RORA: variants seen among roughly 807,000 people sequenced by gnomAD.
RORA encodes nuclear receptor ROR-alpha.
RORA carries 7 observed loss-of-function variants against 69.5 expected under a neutral mutation model. That is an observed-to-expected ratio of 0.10 (90% CI 0.06 to 0.19). The LOEUF (loss-of-function observed/expected upper bound fraction) is 0.19. RORA is among the 10% of genes least tolerant of loss of function. RORA has a pLI of 1.00. For synonymous variants in RORA, 261 were observed against 240.8 expected, an observed-to-expected ratio of 1.08 and a Z score of -0.78; for missense variants, 457 against 663.0, an observed-to-expected ratio of 0.69 and a Z score of 3.41.
chr15:60,505,263 C>G (rs1468268098), intron 6 of RORA, among the ~76,000 whole-genome samples: 1 of 152,130 alleles, frequency 6.6e-6, no homozygotes, highest in African/African-American at 2.4e-5. Context: ...CTCCTGTTGA[C>G]AAATGGAAGG....
chr15:60,818,362 G>C (rs1390358694), intron 1 of RORA, among the ~76,000 whole-genome samples: 1 of 152,166 alleles, frequency 6.6e-6, no homozygotes, highest in African/African-American at 2.4e-5. Context: ...AAACCCGTTA[G>C]AATTATTTAC....
chr15:60,811,400 C>T lies in RORA; in HGVS notation c.167-132714G>A, dbSNP rs116655622. Among the ~76,000 whole-genome samples, 276 of 152,318 alleles carry T rather than the reference C, an allele frequency of 1.8e-3. 3 individuals carry two copies. The highest frequency in any genetic ancestry group is 6.4e-3 in the African/African-American group (267 of 41,578). On this transcript the variant is annotated intron_variant, in intron 1 of 10. Coordinates refer to ENST00000335670, the MANE Select transcript of RORA (RefSeq NM_134261.3). ...ATCTGATAAGTCAGTTATCTCTATT[C>T]CATCTGCTTTCCAGCTCCCAAAATA...
chr15:60,570,308 G>A (rs903837111), intron 2 of RORA, among the ~76,000 whole-genome samples: 1 of 152,066 alleles, frequency 6.6e-6, no homozygotes, highest in African/African-American at 2.4e-5. Flanking sequence ...ACCATGGACA[G>A]TATTATTTTT....
intron 1 of RORA, among the ~76,000 whole-genome samples, chr15:61,002,601 T>C (rs924371292): frequency 4.6e-5 from 7 of 152,184 alleles, no homozygotes; most frequent in African/African-American, 1.4e-4. Context: ...AGCCTACCTT[T>C]AATTTAGAAA....
chr15:60,662,179 T>A (rs2140719612), intron 2 of RORA, among the ~76,000 whole-genome samples: 2 of 152,372 alleles, frequency 1.3e-5, no homozygotes, highest in Middle Eastern at 6.8e-3. Flanking sequence ...TGGGGGATGG[T>A]ATTATTAGCT....
chr15:60,543,483 CT>C (rs1223143042), intron 2 of RORA, among the ~76,000 whole-genome samples: 2 of 149,730 alleles, frequency 1.3e-5, no homozygotes, highest in African/African-American at 4.9e-5. Context: ...TCATCACTGT[CT>C]TTTTTTTTTC....
In RORA at chr15:60,946,989, C is replaced by T. The variant is rs550646965; in HGVS notation, c.167-268303G>A. ...CTGAGAAGTGAGGAGCCCCTCCGTC[C>T]GGCAGCCGCCCCTTCCGGGAGGGAG... On this transcript the variant is annotated intron_variant, in intron 1 of 10. Transcript: ENST00000335670. Among the ~76,000 whole-genome samples the T allele has an allele frequency of 9.2e-5, 14 of 151,836 alleles. No homozygotes were observed. The South Asian group carries it at 1.5e-3, about 16-fold the overall frequency.
intron 2 of RORA, among the ~76,000 whole-genome samples, chr15:60,644,037 A>C (rs2069992223): frequency 6.6e-6 from 1 of 152,142 alleles, no homozygotes; most frequent in African/African-American, 2.4e-5. Flanking sequence ...ACAGGAAGCC[A>C]CTGGGATTAA....
At chr15:61,199,426 G>A (rs909699810) in intron 1 of RORA, among the ~76,000 whole-genome samples, 3 of 152,094 alleles carry the variant, frequency 2.0e-5, no homozygotes, top group African/African-American at 7.2e-5. Context: ...AATATTCTCT[G>A]TATCCCAAAA....
At chr15:61,095,592 G>C (rs1313325576) in intron 1 of RORA, among the ~76,000 whole-genome samples, 1 of 152,216 alleles carries the variant, frequency 6.6e-6, no homozygotes, top group Non-Finnish European at 1.5e-5. Context: ...TGGAGAATGA[G>C]GTTGTGCAAG....
At chr15:60,551,527 A>G (rs1402334911) in intron 2 of RORA, among the ~76,000 whole-genome samples, 2 of 152,180 alleles carry the variant, frequency 1.3e-5, no homozygotes, top group Non-Finnish European at 2.9e-5. Flanking sequence ...TTCCCTCACT[A>G]ACTGTCCTCA....
intron 1 of RORA, among the ~76,000 whole-genome samples, chr15:60,743,688 C>T (rs900600038): frequency 9.2e-5 from 14 of 152,318 alleles, no homozygotes; most frequent in African/African-American, 3.1e-4. Flanking sequence ...TGCCCATCTC[C>T]AGACAGTATG....
At chr15:60,757,231 G>C (rs756096554) in intron 1 of RORA, among the ~76,000 whole-genome samples, 4 of 152,030 alleles carry the variant, frequency 2.6e-5, no homozygotes, top group Non-Finnish European at 5.9e-5. Flanking sequence ...GTCCTTCTCA[G>C]CACTGTTGAT....
rs2070593841 is a variant in RORA, at chr15:60,678,774, G to T, written c.167-88C>A. The T allele has an allele frequency of 4.3e-6, 5 of 1,160,054 alleles. No homozygotes were observed. In the East Asian group the frequency reaches 9.4e-5, roughly 22 times the overall value. The allele number at this position is 1,160,054 out of a possible 1,614,324, so 71.9% of individuals were successfully genotyped here. A position where few individuals can be genotyped will look rare whatever the true frequency, so the allele number is the denominator to read the frequency against. ...CGTCATTCCCAGTGTGCTCAGGAAG[G>T]CGTTTAGTTCAGATGGGGAAGTGGA... On this transcript the variant is annotated intron_variant, in intron 1 of 10. Transcript: ENST00000335670.
At chr15:60,731,286 G>T (rs1223787889) in intron 1 of RORA, among the ~76,000 whole-genome samples, 1 of 152,086 alleles carries the variant, frequency 6.6e-6, no homozygotes. Flanking sequence ...TCATTCCTTT[G>T]GTCTAAACAT....
At chr15:60,766,534 G>A (rs2071995120) in intron 1 of RORA, among the ~76,000 whole-genome samples, 1 of 152,112 alleles carries the variant, frequency 6.6e-6, no homozygotes, top group Non-Finnish European at 1.5e-5. Context: ...ATTTTCAGAT[G>A]GCGAGGAGGC....
At chr15:61,223,886 G>GT (rs1007153511) in intron 1 of RORA, among the ~76,000 whole-genome samples, 1 of 151,366 alleles carries the variant, frequency 6.6e-6, no homozygotes, top group African/African-American at 2.4e-5. Flanking sequence ...TGATTCTCAG[G>GT]TTTTTTTTAA....
intron 1 of RORA, among the ~76,000 whole-genome samples, chr15:60,838,913 GTGTCTCACTC>G (rs1292883349): frequency 6.8e-6 from 1 of 146,086 alleles, no homozygotes; most frequent in Non-Finnish European, 1.5e-5. Context: ...TTTTCAGAGG[GTGTCTCACTC>G]TGTCACTCAG....
intron 1 of RORA, among the ~76,000 whole-genome samples, chr15:60,929,826 C>T (rs1257951984): frequency 1.3e-5 from 2 of 152,138 alleles, no homozygotes; most frequent in African/African-American, 4.8e-5. Flanking sequence ...CCCCTCCAGC[C>T]CCCAGAGATA....
Sources: gnomAD v4.1 joint callset for allele counts (sites outside exome capture counted in the v4.1 genomes callset) on GRCh38, gnomAD v4.1.1 for gene constraint, MANE v1.5 for transcripts, NCBI Gene and HGNC (gene_info 2026-07-23, HGNC 2026-07-21) for gene names.